STAT4: variants seen among roughly 807,000 people sequenced by gnomAD.
STAT4 encodes signal transducer and activator of transcription 4.
STAT4 carries 42 observed loss-of-function variants against 110.5 expected under a neutral mutation model. The ratio of observed to expected loss-of-function variants is 0.38; its 90% CI spans 0.30 to 0.49. The LOEUF (loss-of-function observed/expected upper bound fraction) is 0.49. Ranked by LOEUF, STAT4 falls within the 20% of genes least tolerant of loss-of-function variation. The pLI is 0.95. For synonymous variants in STAT4, 284 were observed against 302.2 expected, an observed-to-expected ratio of 0.94 and a Z score of 0.63; for missense variants, 632 against 887.9, an observed-to-expected ratio of 0.71 and a Z score of 3.66.
intron 3 of STAT4, among the ~76,000 whole-genome samples, chr2:191,133,064 T>A (rs569391824): frequency 1.1e-4 from 16 of 151,560 alleles, no homozygotes; most frequent in African/African-American, 3.7e-4. Context: ...GTTTTCATAG[T>A]TTTAAAAATT....
At position 191,090,036 on chromosome 2, in the gene STAT4, A is replaced by C. The variant is rs575622794; in HGVS notation, c.274-13711T>G. Among the ~76,000 whole-genome samples, 6 of 152,290 alleles carry C rather than the reference A, an allele frequency of 3.9e-5. 1 individual carries two copies. In the South Asian group the frequency reaches 1.0e-3, roughly 26 times the overall value. On this transcript the variant is annotated intron_variant, in intron 3 of 23. Transcript: ENST00000392320. The surrounding 1 kb of genome is among the most constrained non-coding windows in gnomAD (Gnocchi z 4.2). ...ACACATAGAACATATAGTGAGCCCT[A>C]ATGTAAATTATGGGACTTTAGTTAA...
In STAT4 at chr2:191,051,171, C is replaced by A. The variant is rs558023209; in HGVS notation, c.1251+3319G>T. Among the ~76,000 whole-genome samples, 1 of 152,268 alleles carries A rather than the reference C, an allele frequency of 6.6e-6. No homozygotes were observed. The highest frequency in any genetic ancestry group is 2.1e-4 in the South Asian group (1 of 4,820). ...GAACTGGAGCTGGAAGAGGGAAGTGCCAGGGTCCCCTGAAAGGGACCACAT... is the reference window on the plus strand; with the variant it reads ...GAACTGGAGCTGGAAGAGGGAAGTGACAGGGTCCCCTGAAAGGGACCACAT... On this transcript the variant is annotated intron_variant, in intron 14 of 23. Coordinates refer to ENST00000392320, the MANE Select transcript of STAT4 (RefSeq NM_003151.4). The surrounding 1 kb of genome is among the most constrained non-coding windows in gnomAD (Gnocchi z 5.6).
rs1696515398 is a variant in STAT4, at chr2:191,051,261, T to C, written c.1251+3229A>G. Among the ~76,000 whole-genome samples the C allele has an allele frequency of 6.6e-6, 1 of 152,148 alleles. No individual in the cohort carries two copies. On this transcript the variant is annotated intron_variant, in intron 14 of 23. Coordinates refer to ENST00000392320, the MANE Select transcript of STAT4 (RefSeq NM_003151.4). This position sits in a 1 kb window ranked among gnomAD's most constrained non-coding sequence, Gnocchi z 5.6. ...AGATCAGCAGTTGTCTGAAGTTAGG[T>C]ATCACGTTTTAGAGCCCAGTTTTCC...
At chr2:191,106,647 AAAAATAAAAT>A (rs199803507) in intron 3 of STAT4, among the ~76,000 whole-genome samples, 4,909 of 127,280 alleles carry the variant, frequency 0.039, 286 homozygotes, top group African/African-American at 0.13. Context: ...ACTCCATCTC[AAAAATAAAAT>A]AAAATAAAAT....
At chr2:191,076,439 T>C (rs748080310) in intron 3 of STAT4, 114 bp from the exon 4 acceptor site, 1 of 766,178 alleles carries the variant, frequency 1.3e-6, no homozygotes, top group Non-Finnish European at 2.1e-6. Context: ...TATGTGAAAT[T>C]ACTTGGGATT....
At position 191,149,013 on chromosome 2, in the gene STAT4, G is replaced by T. The variant is rs1458873555; in HGVS notation, c.-1-809C>A. 2.0e-5 allele frequency among the ~76,000 whole-genome samples: 3 copies of T among 152,058 alleles called. No homozygotes were observed. The East Asian group carries it at 5.8e-4, about 29-fold the overall frequency. ...AAAGAAAAGTACGCATTTCCCCCTT[G>T]TAACCCCACTCTGGCCAATTTAGAA... On this transcript the variant is annotated intron_variant, in intron 1 of 23. Coordinates refer to ENST00000392320, the MANE Select transcript of STAT4 (RefSeq NM_003151.4).
chr2:191,093,231 C>A (rs903943651), intron 3 of STAT4, among the ~76,000 whole-genome samples: 11 of 152,242 alleles, frequency 7.2e-5, no homozygotes, highest in African/African-American at 1.4e-4. Flanking sequence ...TGAGAATGGA[C>A]AGACTGCCTC....
intron 5 of STAT4, among the ~76,000 whole-genome samples, chr2:191,072,096 T>C (rs1260673753): frequency 6.6e-6 from 1 of 152,134 alleles, no homozygotes; most frequent in Non-Finnish European, 1.5e-5. Context: ...TGGGGATCCA[T>C]GTACAGGCCT....
At position 191,090,716 on chromosome 2, in the gene STAT4, A is replaced by G. The variant is rs1339475496; in HGVS notation, c.274-14391T>C. ...GCTGGGACTAGAGGCACCCGCCACCATGCCCGGCTAATTTTTTGTATTTTT... is the reference window on the plus strand; with the variant it reads ...GCTGGGACTAGAGGCACCCGCCACCGTGCCCGGCTAATTTTTTGTATTTTT... On this transcript the variant is annotated intron_variant, in intron 3 of 23. Coordinates refer to ENST00000392320, the MANE Select transcript of STAT4 (RefSeq NM_003151.4). The surrounding 1 kb of genome is among the most constrained non-coding windows in gnomAD (Gnocchi z 4.2). 6.6e-6 allele frequency among the ~76,000 whole-genome samples: 1 copy of G among 152,030 alleles called. No homozygotes were observed. The highest frequency in any genetic ancestry group is 1.9e-4 in the East Asian group (1 of 5,180).
chr2:191,130,017 T>C (rs927501387), intron 3 of STAT4, among the ~76,000 whole-genome samples: 2 of 152,200 alleles, frequency 1.3e-5, no homozygotes, highest in Non-Finnish European at 2.9e-5. Context: ...GCTTAGTTTC[T>C]GTGCTAATTA....
chr2:191,119,885 C>A (rs1424786968), intron 3 of STAT4, among the ~76,000 whole-genome samples: 4 of 152,044 alleles, frequency 2.6e-5, no homozygotes, highest in African/African-American at 9.7e-5. Flanking sequence ...TCAAAAACAC[C>A]ACTGCAGTGC....
Position 191,086,183 on chromosome 2 carries a change from G to A in STAT4, c.274-9858C>T, listed in dbSNP as rs554683402. On this transcript the variant is annotated intron_variant, in intron 3 of 23. Transcript: ENST00000392320. This position sits in a 1 kb window ranked among gnomAD's most constrained non-coding sequence, Gnocchi z 5.5. ...ATGAACAGATGGCTTTGAGGAATTG[G>A]GATTGATGTACAGAGCCCATAAAAG... 6.6e-5 allele frequency among the ~76,000 whole-genome samples: 10 copies of A among 152,206 alleles called. No individual in the cohort carries two copies. Among genetic ancestry groups the A allele is most frequent in the African/African-American group, 2.4e-4 (10 of 41,536 alleles).
chr2:191,069,791 TACTC>T lies in STAT4; in HGVS notation c.466-24_466-21del, dbSNP rs746306780. The T allele has an allele frequency of 2.5e-6, 4 of 1,571,796 alleles. No homozygotes were observed. The highest frequency in any genetic ancestry group is 1.8e-5 in the Admixed American group (1 of 55,994). On this transcript the variant is annotated intron_variant, in intron 5 of 23. Coordinates refer to ENST00000392320, the MANE Select transcript of STAT4 (RefSeq NM_003151.4). ...TGTCATCTTTTCACAAAAGAAAACA[TACTC>T]ACTCTGCTGTCACAATTAAGCATGT...
chr2:191,071,533 A>T (rs1418692609), intron 5 of STAT4, among the ~76,000 whole-genome samples: 1 of 152,218 alleles, frequency 6.6e-6, no homozygotes, highest in Non-Finnish European at 1.5e-5. Context: ...AAGTGTATTA[A>T]ACCAATGCCA....
At chr2:191,105,108 G>A (rs1472305322) in intron 3 of STAT4, among the ~76,000 whole-genome samples, 2 of 152,164 alleles carry the variant, frequency 1.3e-5, no homozygotes, top group Non-Finnish European at 2.9e-5. Context: ...AGTTTTCAAA[G>A]TCTAACACTG....
chr2:191,111,061 C>T (rs901755462), intron 3 of STAT4, among the ~76,000 whole-genome samples: 1 of 152,168 alleles, frequency 6.6e-6, no homozygotes, highest in Non-Finnish European at 1.5e-5. Context: ...GCTAGGATTA[C>T]AGGCATGAGC....
intron 3 of STAT4, among the ~76,000 whole-genome samples, chr2:191,108,189 G>T (rs924595227): frequency 4.0e-5 from 6 of 151,828 alleles, no homozygotes; most frequent in Non-Finnish European, 5.9e-5. Flanking sequence ...TACTTGGGAT[G>T]TTGAGAGAGG....
intron 3 of STAT4, among the ~76,000 whole-genome samples, chr2:191,123,680 A>G (rs1157586007): frequency 3.3e-5 from 5 of 152,208 alleles, no homozygotes; most frequent in Non-Finnish European, 5.9e-5. Flanking sequence ...CACAAAACCT[A>G]TTAGGTAATA....
rs888863358 is a variant in STAT4 at position 191,142,205 on chromosome 2, T to C, written c.273+4408A>G. ...TTGATGGAAGAATGGATAAAGAAAA[T>C]AAAGAAAATAGATATATATATATAC... is the stretch of plus-strand genomic sequence containing the variant. On this transcript the variant is annotated intron_variant, in intron 3 of 23. Transcript: ENST00000392320. The surrounding 1 kb of genome is among the most constrained non-coding windows in gnomAD (Gnocchi z 4.1). Among the ~76,000 whole-genome samples the C allele has an allele frequency of 1.3e-5, 2 of 149,594 alleles. No individual in the cohort carries two copies. The highest frequency in any genetic ancestry group is 6.6e-5 in the Admixed American group (1 of 15,114).
Sources: allele counts gnomAD v4.1 joint callset (sites outside exome capture counted in the v4.1 genomes callset), GRCh38; gene constraint gnomAD v4.1.1; non-coding constraint Gnocchi (gnomAD v3.1); transcripts MANE v1.5; gene names NCBI Gene and HGNC (gene_info 2026-07-23, HGNC 2026-07-21).